The following CDK13 variants were observed in gnomAD, a reference collection of about 807,000 sequenced individuals.
CDK13 encodes the protein cyclin-dependent kinase 13.
Under a neutral mutation model 137.6 loss-of-function variants are expected in CDK13, and 40 were observed. That is an observed-to-expected ratio of 0.29 (90% CI 0.23 to 0.38). The LOEUF (loss-of-function observed/expected upper bound fraction) is 0.38, where lower values mean the gene tolerates loss of function less well. Ranked by LOEUF, CDK13 falls within the 10% of genes least tolerant of loss-of-function variation. The probability of loss-of-function intolerance (pLI) is 1.00; values close to 1 mark genes in which losing one functional copy is unlikely to be tolerated. For synonymous variants in CDK13, 869 were observed against 760.1 expected (o/e 1.14, Z -2.36); for missense variants, 1,704 against 1,951.8 (o/e 0.87, Z 2.39).
chr7:39,990,193 TTTAA>T (rs1255835214), intron 2 of CDK13, among the ~76,000 whole-genome samples: 8 of 152,268 alleles, frequency 5.3e-5, no homozygotes, highest in East Asian at 1.9e-4. Flanking sequence ...TGCATCTGTC[TTTAA>T]TTAGTTGGTG....
intron 5 of CDK13, among the ~76,000 whole-genome samples, chr7:40,024,314 ACTT>A (rs879763556): frequency 2.6e-5 from 4 of 152,078 alleles, no homozygotes; most frequent in Admixed American, 6.6e-5. Context: ...TCTGTACACT[ACTT>A]CTTTTTGTTG....
intron 1 of CDK13, among the ~76,000 whole-genome samples, chr7:39,964,297 G>T (rs1213514541): frequency 1.3e-5 from 2 of 152,096 alleles, no homozygotes; most frequent in South Asian, 2.1e-4. Context: ...CAATTTCAGA[G>T]CCTGTTATTG....
intron 1 of CDK13, among the ~76,000 whole-genome samples, chr7:39,970,612 C>T (rs867972786): frequency 6.6e-6 from 1 of 152,068 alleles, no homozygotes; most frequent in African/African-American, 2.4e-5. Flanking sequence ...AGGCATGTGC[C>T]ACCACGCCCA....
At chr7:40,049,179 CAAAAAAAAAAAAAAAAAA>C (rs917975927) in intron 7 of CDK13, 1 of 51,324 alleles carries the variant, frequency 1.9e-5, no homozygotes, top group Admixed American at 3.0e-4. Context: ...AGACTGTCTC[CAAAAAAAAAAAAAAAAAA>C]AAAAAAAAAG....
rs1787104798 is a variant in CDK13 at position 39,950,384 on chromosome 7, G to A, written c.-258G>A. Reference sequence around the variant, plus strand: ...CGCATCTGGTGTTTTCGCTGCCGAGGATAGGACGACGAGCGCAATCGGGAG... The same window carrying A: ...CGCATCTGGTGTTTTCGCTGCCGAGAATAGGACGACGAGCGCAATCGGGAG... On this transcript the variant is annotated 5_prime_UTR_variant, in exon 1 of 14. Coordinates refer to ENST00000181839, the MANE Select transcript of CDK13 (RefSeq NM_003718.5). 4.1e-6 allele frequency: 5 copies of A among 1,222,818 alleles called. No homozygotes were observed. Among genetic ancestry groups the A allele is most frequent in the Non-Finnish European group, 4.1e-6 (4 of 982,388 alleles). The allele number at this position is 1,222,818 out of a possible 1,614,324, so 75.7% of individuals were successfully genotyped here. A position where few individuals can be genotyped will look rare whatever the true frequency, so the allele number is the denominator to read the frequency against.
At chr7:39,982,834 A>G (rs1303851420) in intron 1 of CDK13, among the ~76,000 whole-genome samples, 1 of 152,096 alleles carries the variant, frequency 6.6e-6, no homozygotes, top group African/African-American at 2.4e-5. Flanking sequence ...TTGTCTGTTC[A>G]TATCCTCTGC....
At chr7:39,971,182 T>A (rs1258594138) in intron 1 of CDK13, among the ~76,000 whole-genome samples, 3 of 152,228 alleles carry the variant, frequency 2.0e-5, no homozygotes, top group Non-Finnish European at 4.4e-5. Flanking sequence ...TGATAGTAGG[T>A]ACCTAGCAAG....
rs865901868 is a variant in CDK13, at chr7:39,988,108, A to G, written c.1721A>G (p.Lys574Arg). The G allele has an allele frequency of 5.0e-6, 8 of 1,614,144 alleles. No homozygotes were observed. Among genetic ancestry groups the G allele is most frequent in the Middle Eastern group, 1.6e-4 (1 of 6,062 alleles). ...AAGGAGAGTAAATCTGCTGCTACAA[A>G]GGAGGAATCAGTATCTCTTAAAGAG... ...VGKESKSAAT[K>R]EESVSLKEKT... Residue 574 changes from lysine (K) to arginine (R), a missense_variant, in exon 2 of 14, where the codon AAG (lysine) becomes AGG (arginine). By Grantham distance (26) the Lys-to-Arg change is conservative (BLOSUM62 2). Around this residue, in one of 5 missense-constraint regions of CDK13, gnomAD observed 1,051 missense variants for 931.0 expected, o/e 1.13. Coordinates refer to ENST00000181839, the MANE Select transcript of CDK13 (RefSeq NM_003718.5).
rs914374352 is a variant in CDK13 at position 39,988,250 on chromosome 7, A to T, written c.1863A>T (p.Glu621Asp). The change falls in exon 2 of 14, where the codon GAA becomes GAT. Residue 621 changes from glutamate to aspartate, a missense_variant. Physicochemically the swap from Glu to Asp is conservative, Grantham distance 45. Around this residue, in one of 5 missense-constraint regions of CDK13, gnomAD observed 1,051 missense variants for 931.0 expected, o/e 1.13. Coordinates refer to ENST00000181839, the MANE Select transcript of CDK13 (RefSeq NM_003718.5). ...CTCCCATGCTGCCTGAAGATAAAGA[A>T]GCTGATAGGTAAGTGCAAAAAGTAT... Reference protein sequence around the residue: ...PLPPMLPEDKEADSLRGNISV... With the variant: ...PLPPMLPEDKDADSLRGNISV... 4 of 1,593,104 alleles carry T rather than the reference A, an allele frequency of 2.5e-6. No individual in the cohort carries two copies. The Admixed American group carries it at 5.6e-5, about 22-fold the overall frequency.
chr7:39,997,779 C>A, intron 3 of CDK13, 115 bp downstream of exon 3: 2 of 728,870 alleles, frequency 2.7e-6, no homozygotes, highest in Non-Finnish European at 2.2e-6. Flanking sequence ...ATTCTTTCAA[C>A]TTAAATATAT....
rs1787075323 is a variant in CDK13 at position 40,097,669 on chromosome 7, GTATT to G, written c.*2693_*2696del. On this transcript the variant is annotated 3_prime_UTR_variant, in exon 14 of 14. Coordinates refer to ENST00000181839, the MANE Select transcript of CDK13 (RefSeq NM_003718.5). ...AGATTTGACCTGCCAAAAGAAGAAAGTATTTATCTTCTCCCACGTGAAATTCCCT... is the reference window on the plus strand; with the variant it reads ...AGATTTGACCTGCCAAAAGAAGAAAGTATCTTCTCCCACGTGAAATTCCCT... 1.3e-5 allele frequency: 2 copies of G among 152,094 alleles called. No individual in the cohort carries two copies. Among genetic ancestry groups the G allele is most frequent in the Admixed American group, 1.3e-4 (2 of 15,258 alleles). 9.4% of individuals were successfully genotyped at this position (152,094 alleles called of 1,614,324 possible).
At chr7:40,055,102 A>G (rs1474120307) in intron 7 of CDK13, among the ~76,000 whole-genome samples, 3 of 152,018 alleles carry the variant, frequency 2.0e-5, no homozygotes, top group Admixed American at 1.3e-4. Context: ...TTGCCATCCA[A>G]TAACAACTTA....
chr7:40,087,979 A>C (rs896856554), intron 11 of CDK13, 147 bp from the exon 12 acceptor site: 1 of 627,374 alleles, frequency 1.6e-6, no homozygotes, highest in African/African-American at 1.8e-5. Flanking sequence ...AATAAGGATG[A>C]TTTTTATTGG....
At position 39,999,493 on chromosome 7, in the gene CDK13, A is replaced by C. The variant is rs781506575; in HGVS notation, c.2175A>C (p.Lys725Asn). The change falls in exon 4 of 14, where the codon AAA (lysine) becomes AAC (asparagine). Residue 725 changes from lysine (K) to asparagine (N), a missense_variant. Physicochemically the swap from Lys to Asn is moderately conservative, Grantham distance 94. Transcript: ENST00000181839. ...GACAAGTTTACAAAGCCAGGGATAA[A>C]GACACTGGTAAGAATGCCAAGTTCT... ...TYGQVYKARD[K>N]DTGEMVALKK... 1 of 1,602,622 alleles carries C rather than the reference A, an allele frequency of 6.2e-7. No homozygotes were observed. The highest frequency in any genetic ancestry group is 8.5e-7 in the Non-Finnish European group (1 of 1,173,794).
At chr7:39,984,871 G>GATACT (rs2116251574) in intron 1 of CDK13, 1 of 152,278 alleles carries the variant, frequency 6.6e-6, no homozygotes, top group East Asian at 1.9e-4. Context: ...GCTATCAGGA[G>GATACT]GCTGAGGCAG....
At chr7:40,028,717 T>G (rs1192311691) in intron 5 of CDK13, among the ~76,000 whole-genome samples, 1 of 152,118 alleles carries the variant, frequency 6.6e-6, no homozygotes, top group Non-Finnish European at 1.5e-5. Context: ...TCTCTTGTCT[T>G]TTAGGGACTT....
At chr7:39,957,678 G>A (rs1254755895) in intron 1 of CDK13, among the ~76,000 whole-genome samples, 1 of 152,118 alleles carries the variant, frequency 6.6e-6, no homozygotes, top group Non-Finnish European at 1.5e-5. Context: ...TAGTGTGAAT[G>A]GAATAAATTC....
At position 40,093,014 on chromosome 7, in the gene CDK13, G is replaced by T. The variant is rs139167957; in HGVS notation, c.3465G>T (p.Pro1155=). 2.5e-6 allele frequency: 4 copies of T among 1,614,186 alleles called. No individual in the cohort carries two copies. Among genetic ancestry groups the T allele is most frequent in the Admixed American group, 1.7e-5 (1 of 60,024 alleles). Reference sequence around the variant, plus strand: ...CACCACAACAGGAGTCTTCGAAACCGTTGGGAGGAATTCAGCCTTCTTCTC... The same window carrying T: ...CACCACAACAGGAGTCTTCGAAACCTTTGGGAGGAATTCAGCCTTCTTCTC... ...PSTPQQESSK[P]LGGIQPSSQT... is the part of the protein sequence containing the mutation. Residue 1155 remains proline, a synonymous_variant, in exon 13 of 14, where the codon CCG becomes CCT. Coordinates refer to ENST00000181839, the MANE Select transcript of CDK13 (RefSeq NM_003718.5).
chr7:39,953,422 T>A (rs1467166747), intron 1 of CDK13, among the ~76,000 whole-genome samples: 2 of 152,238 alleles, frequency 1.3e-5, no homozygotes, highest in Non-Finnish European at 2.9e-5. Flanking sequence ...CAATTTAAAG[T>A]GCTTGATGCA....
Sources: allele counts gnomAD v4.1 joint callset (sites outside exome capture counted in the v4.1 genomes callset), GRCh38; gene constraint gnomAD v4.1.1; regional missense constraint gnomAD v4.1.1; transcripts MANE v1.5; gene names NCBI Gene and HGNC (gene_info 2026-07-23, HGNC 2026-07-21).